Variants in ADAMTS2 observed in about 807,000 individuals in gnomAD.
ADAMTS2 encodes the protein A disintegrin and metalloproteinase with thrombospondin motifs 2.
ADAMTS2 carries 50 observed loss-of-function variants against 123.0 expected under a neutral mutation model. The ratio of observed to expected loss-of-function variants is 0.41; its 90% CI spans 0.32 to 0.51. The LOEUF (loss-of-function observed/expected upper bound fraction) is 0.51. ADAMTS2 is among the 20% of genes least tolerant of loss of function. The probability of loss-of-function intolerance (pLI) is 0.35; values close to 1 mark genes in which losing one functional copy is unlikely to be tolerated. For synonymous variants in ADAMTS2, 678 were observed against 695.4 expected (o/e 0.98, Z 0.39); for missense variants, 1,494 against 1,705.2 (o/e 0.88, Z 2.18).
intron 2 of ADAMTS2, among the ~76,000 whole-genome samples, chr5:179,298,514 A>G (rs1035443125): frequency 6.6e-6 from 1 of 152,194 alleles, no homozygotes; most frequent in Non-Finnish European, 1.5e-5. Context: ...TGAGACTCCA[A>G]AACTGTGAGA....
intron 5 of ADAMTS2, among the ~76,000 whole-genome samples, chr5:179,168,435 C>A (rs573918704): frequency 6.6e-6 from 1 of 152,192 alleles, no homozygotes; most frequent in African/African-American, 2.4e-5. Flanking sequence ...GCAGGCCGCT[C>A]GCCCCCTGGA....
chr5:179,182,901 G>C (rs1764080125), intron 4 of ADAMTS2, among the ~76,000 whole-genome samples: 1 of 152,166 alleles, frequency 6.6e-6, no homozygotes, highest in Non-Finnish European at 1.5e-5. Context: ...TGGCTGACAA[G>C]ATGGAGCTCC....
At chr5:179,251,108 C>G (rs143192909) in intron 3 of ADAMTS2, among the ~76,000 whole-genome samples, 4 of 152,322 alleles carry the variant, frequency 2.6e-5, no homozygotes, top group African/African-American at 9.6e-5. Flanking sequence ...CTGCATCAGG[C>G]GGGCCTGGGT....
intron 3 of ADAMTS2, among the ~76,000 whole-genome samples, chr5:179,208,985 A>G (rs1205705075): frequency 6.6e-6 from 1 of 152,178 alleles, no homozygotes; most frequent in African/African-American, 2.4e-5. Context: ...GTCTTCCAGA[A>G]CAACACTTTT....
intron 5 of ADAMTS2, among the ~76,000 whole-genome samples, chr5:179,164,102 C>T (rs1229064881): frequency 1.3e-5 from 2 of 152,212 alleles, no homozygotes; most frequent in African/African-American, 2.4e-5. Context: ...CAGGACTCAA[C>T]CTGCCACTGG....
intron 10 of ADAMTS2, among the ~76,000 whole-genome samples, chr5:179,150,685 A>T (rs1763337593): frequency 6.6e-6 from 1 of 152,170 alleles, no homozygotes; most frequent in South Asian, 2.1e-4. Flanking sequence ...CCACATATAT[A>T]TGATTCCATT....
chr5:179,312,124 G>A lies in ADAMTS2; in HGVS notation c.534+31643C>T, dbSNP rs910427582. ...AGTGGTCAGCTGAAAAATGGCCCCC[G>A]AAGACACGTCCGGGTCCCAATCCCT... On this transcript the variant is annotated intron_variant, in intron 2 of 21. Transcript: ENST00000251582. The surrounding 1 kb of genome is among the most constrained non-coding windows in gnomAD (Gnocchi z 4.2). Among the ~76,000 whole-genome samples the A allele has an allele frequency of 3.3e-5, 5 of 152,104 alleles. No individual in the cohort carries two copies. Among genetic ancestry groups the A allele is most frequent in the Admixed American group, 6.5e-5 (1 of 15,274 alleles).
At chr5:179,251,936 A>G (rs905549963) in intron 3 of ADAMTS2, among the ~76,000 whole-genome samples, 1 of 152,036 alleles carries the variant, frequency 6.6e-6, no homozygotes, top group African/African-American at 2.4e-5. Flanking sequence ...ACTGACCCCG[A>G]ATCTTCCTAA....
intron 3 of ADAMTS2, among the ~76,000 whole-genome samples, chr5:179,224,503 T>C (rs1268628770): frequency 6.6e-6 from 1 of 152,224 alleles, no homozygotes; most frequent in Non-Finnish European, 1.5e-5. Flanking sequence ...CTCTCCCAAT[T>C]TTCCTTGGAG....
At chr5:179,233,818 A>G (rs1341775612) in intron 3 of ADAMTS2, among the ~76,000 whole-genome samples, 1 of 152,192 alleles carries the variant, frequency 6.6e-6, no homozygotes, top group Non-Finnish European at 1.5e-5. Context: ...CCAGGCACCA[A>G]GGTCTGGGGG....
Position 179,155,753 on chromosome 5 carries a change from G to A in ADAMTS2, c.1133-834C>T, listed in dbSNP as rs571090982. ...GCCTACAGGGCTATGGGTGCCACAC[G>A]AGGTCTCTGCTTGTACCCCTGGGAG... On this transcript the variant is annotated intron_variant, in intron 6 of 21. Transcript: ENST00000251582. The surrounding 1 kb of genome is among the most constrained non-coding windows in gnomAD (Gnocchi z 5.1). Among the ~76,000 whole-genome samples the A allele has an allele frequency of 1.3e-5, 2 of 152,238 alleles. No homozygotes were observed. Among genetic ancestry groups the A allele is most frequent in the East Asian group, 1.9e-4 (1 of 5,168 alleles).
At chr5:179,194,891 A>G (rs543672165) in intron 4 of ADAMTS2, among the ~76,000 whole-genome samples, 1 of 152,246 alleles carries the variant, frequency 6.6e-6, no homozygotes, top group East Asian at 1.9e-4. Context: ...AAGAGAGAGG[A>G]GTCTATCTTT....
chr5:179,245,913 G>A (rs1765794108), intron 3 of ADAMTS2, among the ~76,000 whole-genome samples: 1 of 151,728 alleles, frequency 6.6e-6, no homozygotes, highest in Non-Finnish European at 1.5e-5. Flanking sequence ...TACGACAAGG[G>A]AGAGGACATC....
intron 4 of ADAMTS2, among the ~76,000 whole-genome samples, chr5:179,186,850 C>A (rs1221389916): frequency 3.5e-5 from 5 of 142,364 alleles, no homozygotes; most frequent in Non-Finnish European, 7.7e-5. Context: ...ACCCCCCCAC[C>A]CACACACACC....
intron 2 of ADAMTS2, among the ~76,000 whole-genome samples, chr5:179,325,349 C>T (rs573804681): frequency 7.2e-5 from 11 of 152,190 alleles, no homozygotes; most frequent in African/African-American, 2.4e-4. Context: ...TTATCATGGG[C>T]AGCTGGAAGG....
At chr5:179,151,907 A>T (rs1186931506) in intron 10 of ADAMTS2, among the ~76,000 whole-genome samples, 2 of 152,168 alleles carry the variant, frequency 1.3e-5, no homozygotes, top group Non-Finnish European at 2.9e-5. Flanking sequence ...GGGGGGCATG[A>T]AGCACCATGA....
At chr5:179,138,033 C>A in intron 11 of ADAMTS2, 89 bp from the exon 12 acceptor site, 1 of 1,435,946 alleles carries the variant, frequency 7.0e-7, no homozygotes, top group South Asian at 1.2e-5. Flanking sequence ...TAGGGGGGAT[C>A]CCTAAGTCTC....
intron 2 of ADAMTS2, among the ~76,000 whole-genome samples, chr5:179,299,252 A>G (rs76243870): frequency 0.015 from 2,173 of 147,854 alleles, 29 homozygotes; most frequent in African/African-American, 0.024. Flanking sequence ...AAATTTGTCC[A>G]GGCGCGGTGG....
chr5:179,345,114 G>A lies in ADAMTS2; in HGVS notation c.139+76C>T. ...CCAAGTCAGGCTGGACGACGCCTGG[G>A]GAGGGGGCGGCGGGGCACGCGGGAC... On this transcript the variant is annotated intron_variant, in intron 1 of 21. Transcript: ENST00000251582. The surrounding 1 kb of genome is among the most constrained non-coding windows in gnomAD (Gnocchi z 7.5). The A allele has an allele frequency of 9.9e-7, 1 of 1,013,718 alleles. No individual in the cohort carries two copies. Among genetic ancestry groups the A allele is most frequent in the Non-Finnish European group, 1.2e-6 (1 of 837,788 alleles). 62.8% of individuals were successfully genotyped at this position (1,013,718 alleles called of 1,614,324 possible).
Sources: gnomAD v4.1 joint callset for allele counts (sites outside exome capture counted in the v4.1 genomes callset) on GRCh38, gnomAD v4.1.1 for gene constraint, Gnocchi (gnomAD v3.1) non-coding constraint, MANE v1.5 for transcripts, NCBI Gene and HGNC (gene_info 2026-07-23, HGNC 2026-07-21) for gene names.